The following ASAP1 variants were observed in gnomAD, a reference collection of about 807,000 sequenced individuals.
ASAP1 encodes the protein arf-GAP with SH3 domain, ANK repeat and PH domain-containing protein 1.
In ASAP1, 43 loss-of-function variants were observed where a neutral mutation model predicts 145.2. That is an observed-to-expected ratio of 0.30 (90% CI 0.23 to 0.38). ASAP1 has a LOEUF of 0.38. Among genes scored for constraint, ASAP1 ranks in the 10% least tolerant of loss-of-function variants. ASAP1 has a pLI of 1.00. For synonymous variants in ASAP1, 546 were observed against 515.5 expected (o/e 1.06, Z -0.80); for missense variants, 1,018 against 1,355.3 (o/e 0.75, Z 3.91).
intron 5 of ASAP1, among the ~76,000 whole-genome samples, chr8:130,189,218 A>C (rs1814964815): frequency 6.6e-6 from 1 of 152,138 alleles, no homozygotes; most frequent in Admixed American, 6.5e-5. Flanking sequence ...AAAATCATTA[A>C]CTACAGTCAC....
chr8:130,322,303 TAA>T (rs5895042), intron 3 of ASAP1, among the ~76,000 whole-genome samples: 1,745 of 147,124 alleles, frequency 0.012, 21 homozygotes, highest in African/African-American at 0.032. Flanking sequence ...CATCTGTGGT[TAA>T]AAAAAAAAAA....
chr8:130,228,916 TCAGCACGGGGTGTTCCAGTCCCCC>T (rs1817746475), intron 4 of ASAP1, among the ~76,000 whole-genome samples: 1 of 151,884 alleles, frequency 6.6e-6, no homozygotes. Flanking sequence ...GTGAGAAAAA[TCAGCACGGGGTGTTCCAGTCCCCC>T]CAGCACCCAT....
intron 10 of ASAP1, among the ~76,000 whole-genome samples, chr8:130,168,320 ACATG>A (rs2097684237): frequency 6.6e-6 from 1 of 152,200 alleles, no homozygotes. Flanking sequence ...ATAATATAAA[ACATG>A]CAAAAAACAA....
chr8:130,131,603 G>GAAAAAAAAAA (rs1159191172), intron 15 of ASAP1, among the ~76,000 whole-genome samples: 2 of 63,108 alleles, frequency 3.2e-5, no homozygotes, highest in African/African-American at 8.1e-5. Context: ...CATGGCTACT[G>GAAAAAAAAAA]AAAAAAAAAA....
chr8:130,249,174 C>G (rs1025611963), intron 3 of ASAP1, among the ~76,000 whole-genome samples: 5 of 152,160 alleles, frequency 3.3e-5, no homozygotes, highest in African/African-American at 1.2e-4. Context: ...CTCCACCCAT[C>G]CATCTTCCGC....
chr8:130,129,616 T>C (rs1180546304), intron 15 of ASAP1, among the ~76,000 whole-genome samples: 1 of 152,234 alleles, frequency 6.6e-6, no homozygotes, highest in Non-Finnish European at 1.5e-5. Context: ...TTTTTTTGTA[T>C]ATCGTTGAAT....
intron 3 of ASAP1, among the ~76,000 whole-genome samples, chr8:130,265,417 T>TA (rs1310812881): frequency 6.6e-6 from 1 of 150,738 alleles, no homozygotes; most frequent in Admixed American, 6.6e-5. Context: ...CTAAAATTTT[T>TA]AAAAAAGTAA....
At chr8:130,124,204 C>T in intron 17 of ASAP1, 100 bp from the exon 18 acceptor site, 1 of 865,008 alleles carries the variant, frequency 1.2e-6, no homozygotes, top group Non-Finnish European at 1.8e-6. Flanking sequence ...TATGTATTTT[C>T]CCTCATTTGA....
intron 4 of ASAP1, among the ~76,000 whole-genome samples, chr8:130,227,251 T>C (rs1203439995): frequency 6.6e-6 from 1 of 151,484 alleles, no homozygotes; most frequent in Non-Finnish European, 1.5e-5. Flanking sequence ...CTGAACACTA[T>C]TTTTTTGTGG....
intron 25 of ASAP1, among the ~76,000 whole-genome samples, chr8:130,080,445 C>A (rs1340374660): frequency 6.6e-6 from 1 of 151,310 alleles, no homozygotes; most frequent in Non-Finnish European, 1.5e-5. Context: ...GCCAGGCCCT[C>A]AGGCACTTAC....
intron 3 of ASAP1, among the ~76,000 whole-genome samples, chr8:130,342,778 C>CCTT (rs890283339): frequency 2.6e-5 from 4 of 152,022 alleles, no homozygotes; most frequent in African/African-American, 9.7e-5. Flanking sequence ...GCTTTTGGCA[C>CCTT]CTTCTCCTCC....
intron 3 of ASAP1, among the ~76,000 whole-genome samples, chr8:130,259,542 T>A (rs991384805): frequency 1.3e-5 from 2 of 152,182 alleles, no homozygotes; most frequent in African/African-American, 2.4e-5. Context: ...ATCCAACAAG[T>A]GCCCTTTGTG....
intron 9 of ASAP1, 117 bp downstream of exon 9, chr8:130,179,147 T>C (rs748503508): frequency 1.4e-5 from 8 of 585,334 alleles, no homozygotes; most frequent in Non-Finnish European, 2.4e-5. Flanking sequence ...AAAAAGGTCA[T>C]TATATCACTT....
intron 3 of ASAP1, among the ~76,000 whole-genome samples, chr8:130,282,568 T>G (rs1821316712): frequency 6.6e-6 from 1 of 152,172 alleles, no homozygotes; most frequent in Non-Finnish European, 1.5e-5. Flanking sequence ...CTTAATAAGA[T>G]CCCCTTTTGG....
chr8:130,278,041 C>G (rs1821020653), intron 3 of ASAP1, among the ~76,000 whole-genome samples: 1 of 144,606 alleles, frequency 6.9e-6, no homozygotes, highest in African/African-American at 2.6e-5. Flanking sequence ...TGTGCCATGA[C>G]AAGAGACCTA....
At chr8:130,193,471 C>T (rs1321245054) in intron 5 of ASAP1, among the ~76,000 whole-genome samples, 2 of 152,000 alleles carry the variant, frequency 1.3e-5, no homozygotes, top group Admixed American at 1.3e-4. Flanking sequence ...TACCAATTTC[C>T]TCCAGGGTTG....
intron 2 of ASAP1, among the ~76,000 whole-genome samples, chr8:130,391,172 G>A (rs974601749): frequency 4.5e-5 from 6 of 133,710 alleles, no homozygotes; most frequent in Non-Finnish European, 6.7e-5. Context: ...AAGTAAGGCA[G>A]TAACAAAAAG....
chr8:130,337,429 AAC>A (rs1437950583), intron 3 of ASAP1, among the ~76,000 whole-genome samples: 1 of 152,236 alleles, frequency 6.6e-6, no homozygotes, highest in Non-Finnish European at 1.5e-5. Flanking sequence ...TCTCCAGTGT[AAC>A]AAAAATGAGT....
At chr8:130,340,885 C>A (rs1193211867) in intron 3 of ASAP1, 3 of 456,066 alleles carry the variant, frequency 6.6e-6, no homozygotes, top group Non-Finnish European at 1.3e-5. Context: ...TTGAGGCTGA[C>A]CAATCATTGC....
Sources: gnomAD v4.1 joint callset for allele counts (sites outside exome capture counted in the v4.1 genomes callset) on GRCh38, gnomAD v4.1.1 for gene constraint, MANE v1.5 for transcripts, NCBI Gene and HGNC (gene_info 2026-07-23, HGNC 2026-07-21) for gene names.